Variants in GPHN observed in about 807,000 individuals in gnomAD.
GPHN encodes gephyrin.
Under a neutral mutation model 95.5 loss-of-function variants are expected in GPHN, and 17 were observed. The observed-to-expected ratio is 0.18, with a 90% confidence interval of 0.12 to 0.27. The LOEUF (loss-of-function observed/expected upper bound fraction) is 0.27. Among genes scored for constraint, GPHN ranks in the 10% least tolerant of loss-of-function variants. The pLI, the probability that GPHN is intolerant of heterozygous loss-of-function variation, is 1.00. For missense variants in GPHN, 660 were observed against 978.1 expected (o/e 0.67, Z 4.34); for synonymous variants, 320 against 322.5 (o/e 0.99, Z 0.08).
intron 20 of GPHN, 35 bp downstream of exon 20, chr14:67,165,261 G>A (rs754722307): frequency 1.3e-6 from 2 of 1,501,988 alleles, no homozygotes; most frequent in East Asian, 2.3e-5. Context: ...TCCTTTTTCT[G>A]GAAAAATAGC....
chr14:66,700,735 C>T (rs11158644), intron 2 of GPHN, among the ~76,000 whole-genome samples: 47,216 of 151,742 alleles, frequency 0.31, 11,170 homozygotes, highest in African/African-American at 0.64. Flanking sequence ...CCATCCTGGC[C>T]AACATGGTGA....
At chr14:66,838,746 C>T (rs2061960940) in intron 4 of GPHN, among the ~76,000 whole-genome samples, 1 of 152,098 alleles carries the variant, frequency 6.6e-6, no homozygotes, top group African/African-American at 2.4e-5. Context: ...ATATGGATTT[C>T]TCTCTCTGTG....
chr14:67,382,270 A>G, the GPHN span: 3 of 473,848 alleles, frequency 6.3e-6, no homozygotes, highest in African/African-American at 4.0e-5. Context: ...TACATTAACA[A>G]ATCACCCCAA....
At chr14:67,208,991 A>T in the GPHN span, among the ~76,000 whole-genome samples, 4 of 152,202 alleles carry the variant, frequency 2.6e-5, no homozygotes, top group African/African-American at 9.6e-5. Context: ...CCATAAAAAA[A>T]TTTCAGATAG....
At chr14:67,282,799 T>A in the GPHN span, among the ~76,000 whole-genome samples, 1 of 152,124 alleles carries the variant, frequency 6.6e-6, no homozygotes, top group Non-Finnish European at 1.5e-5. Flanking sequence ...CAGAGCAAAC[T>A]ACCTTGTGAG....
the GPHN span, chr14:67,340,350 A>G: frequency 1.8e-6 from 2 of 1,084,592 alleles, no homozygotes; most frequent in Non-Finnish European, 1.4e-6. Context: ...TGCTAATTCT[A>G]AAGAACATAA....
intron 21 of GPHN, among the ~76,000 whole-genome samples, chr14:67,172,887 C>T (rs1036085749): frequency 6.6e-6 from 1 of 152,196 alleles, no homozygotes; most frequent in African/African-American, 2.4e-5. Context: ...CTACTACATG[C>T]TGCCTCATCC....
the GPHN span, chr14:67,317,561 T>C: frequency 1.2e-6 from 1 of 863,824 alleles, no homozygotes; most frequent in East Asian, 2.7e-5. Context: ...TAATGTTAAA[T>C]ATGTGCTTGA....
At chr14:67,204,388 A>G in the GPHN span, 1 of 1,131,512 alleles carries the variant, frequency 8.8e-7, no homozygotes, top group Non-Finnish European at 1.2e-6. Context: ...GCAGTGAGCC[A>G]TGATCGCATC....
rs553750160 is a variant in GPHN at position 66,930,136 on chromosome 14, G to A, written c.828+5844G>A. Among the ~76,000 whole-genome samples the A allele has an allele frequency of 9.2e-5, 14 of 152,264 alleles. No individual in the cohort carries two copies. The South Asian group carries it at 2.9e-3, about 32-fold the overall frequency. On this transcript the variant is annotated intron_variant, in intron 8 of 22. Transcript: ENST00000478722. ...AGAGTTAAGTTCATTTACATTCAGT[G>A]TTATTATTGATAAGTAAGGACTTAC...
chr14:67,608,617 G>C, the GPHN span, among the ~76,000 whole-genome samples: 1 of 152,126 alleles, frequency 6.6e-6, no homozygotes, highest in Non-Finnish European at 1.5e-5. Context: ...ATCTGAATTA[G>C]GACTTTCTGG....
At chr14:67,250,133 C>T in the GPHN span, among the ~76,000 whole-genome samples, 2 of 152,094 alleles carry the variant, frequency 1.3e-5, no homozygotes, top group East Asian at 1.9e-4. Context: ...TGTAGATAGA[C>T]GAAAGTAACC....
intron 21 of GPHN, among the ~76,000 whole-genome samples, chr14:67,173,942 T>C (rs1170392711): frequency 6.6e-6 from 1 of 152,086 alleles, no homozygotes; most frequent in African/African-American, 2.4e-5. Context: ...AATAACAGAC[T>C]TTGTCAGGCC....
intron 2 of GPHN, among the ~76,000 whole-genome samples, chr14:66,695,498 T>C (rs1403489257): frequency 1.3e-5 from 2 of 152,184 alleles, no homozygotes; most frequent in Admixed American, 1.3e-4. Flanking sequence ...TCCAGCAGTT[T>C]TGCCCCTTGG....
the GPHN span, among the ~76,000 whole-genome samples, chr14:67,399,002 G>C: frequency 6.6e-6 from 1 of 152,174 alleles, no homozygotes; most frequent in Non-Finnish European, 1.5e-5. Context: ...TTTTTCCACT[G>C]TTCTGTAATG....
At chr14:66,549,928 C>T (rs909109496) in intron 1 of GPHN, among the ~76,000 whole-genome samples, 5 of 152,038 alleles carry the variant, frequency 3.3e-5, no homozygotes, top group African/African-American at 1.2e-4. Context: ...ATATTTTAAG[C>T]CTATTATTGA....
At chr14:67,011,927 G>T (rs536118328) in intron 9 of GPHN, among the ~76,000 whole-genome samples, 2 of 150,752 alleles carry the variant, frequency 1.3e-5, no homozygotes, top group South Asian at 4.2e-4. Context: ...AACTACTCTG[G>T]CTAATCCTAA....
At chr14:67,559,735 G>A in the GPHN span, 1 of 1,341,062 alleles carries the variant, frequency 7.5e-7, no homozygotes, top group East Asian at 2.4e-5. Context: ...AGGCATGGCT[G>A]GGCCTGCCCT....
the GPHN span, among the ~76,000 whole-genome samples, chr14:67,502,477 G>A: frequency 8.2e-6 from 1 of 121,376 alleles, no homozygotes; most frequent in Non-Finnish European, 1.7e-5. Flanking sequence ...TTTTGAGACT[G>A]AGTTTTGCTT....
Sources: allele counts gnomAD v4.1 joint callset (sites outside exome capture counted in the v4.1 genomes callset), GRCh38; gene constraint gnomAD v4.1.1; transcripts MANE v1.5; gene names NCBI Gene and HGNC (gene_info 2026-07-23, HGNC 2026-07-21).